ANO3: variants seen among roughly 807,000 people sequenced by gnomAD.
ANO3 encodes anoctamin-3.
Under a neutral mutation model 144.8 loss-of-function variants are expected in ANO3, and 99 were observed. The observed-to-expected ratio is 0.68, with a 90% confidence interval of 0.58 to 0.81. The LOEUF is 0.81. Ranked by LOEUF, ANO3 falls within the 30% of genes least tolerant of loss-of-function variation. The probability of loss-of-function intolerance (pLI) is 0.00; values close to 1 mark genes in which losing one functional copy is unlikely to be tolerated. For missense variants in ANO3, 905 were observed against 1,202.2 expected, an observed-to-expected ratio of 0.75 and a Z score of 3.66; for synonymous variants, 414 against 392.6, an observed-to-expected ratio of 1.05 and a Z score of -0.64.
intron 1 of ANO3, among the ~76,000 whole-genome samples, chr11:26,326,691 T>C (rs898525930): frequency 6.6e-6 from 1 of 152,152 alleles, no homozygotes; most frequent in African/African-American, 2.4e-5. Context: ...CTACAAAGGT[T>C]ACCTCCATTT....
At chr11:26,344,808 A>T (rs2133904502) in intron 1 of ANO3, among the ~76,000 whole-genome samples, 1 of 152,326 alleles carries the variant, frequency 6.6e-6, no homozygotes, top group East Asian at 1.9e-4. Flanking sequence ...GCTTGCAATT[A>T]GTCATAGCTC....
intron 17 of ANO3, among the ~76,000 whole-genome samples, chr11:26,602,528 A>G (rs1467402440): frequency 6.6e-6 from 1 of 151,556 alleles, no homozygotes; most frequent in African/African-American, 2.4e-5. Flanking sequence ...GCAGTTTGAG[A>G]CCAGCCCGGG....
intron 1 of ANO3, among the ~76,000 whole-genome samples, chr11:26,214,136 T>C (rs1292518014): frequency 1.3e-5 from 2 of 152,008 alleles, no homozygotes; most frequent in Non-Finnish European, 2.9e-5. Context: ...AAGTGTAATT[T>C]GAATAAAATA....
rs1417920856 is a variant in ANO3 at position 26,231,681 on chromosome 11, C to A, written c.154+42351C>A. ...TTTCTTTTGGAAAGCTACTTAAGTT[C>A]TCTATGCCTCAATTTCAAACTGAAT... is the stretch of plus-strand genomic sequence containing the variant. On this transcript the variant is annotated intron_variant, in intron 1 of 27. Transcript: ENST00000672621. Among the ~76,000 whole-genome samples, 3 of 152,158 alleles carry A rather than the reference C, an allele frequency of 2.0e-5. No individual in the cohort carries two copies. In the East Asian group the frequency reaches 5.8e-4, roughly 29 times the overall value.
rs1390174025 is a variant in ANO3 at position 26,465,150 on chromosome 11, GTGTGTGTGTGTC to G, written c.432+2011_432+2022del. Among the ~76,000 whole-genome samples the G allele has an allele frequency of 2.2e-3, 324 of 149,430 alleles. 1 individual carries two copies. The highest frequency in any genetic ancestry group is 7.6e-3 in the African/African-American group (305 of 39,932). ...TGTGTGTGTGTGTGTGTGTGTGTGT[GTGTGTGTGTGTC>G]TGTGTGTGAATTAAAGCATATATAT... is the stretch of plus-strand genomic sequence containing the variant. On this transcript the variant is annotated intron_variant, in intron 4 of 26. Transcript: ENST00000256737.
At chr11:26,401,173 C>T (rs12574771) in intron 1 of ANO3, among the ~76,000 whole-genome samples, 4,087 of 152,122 alleles carry the variant, frequency 0.027, 60 homozygotes, top group East Asian at 0.11. Context: ...AGCATACCCC[C>T]ATGGACAGGA....
intron 14 of ANO3, among the ~76,000 whole-genome samples, chr11:26,583,179 G>C: frequency 6.6e-6 from 1 of 152,186 alleles, no homozygotes; most frequent in East Asian, 1.9e-4. Context: ...AAGATTGAGT[G>C]AGAGTTCTCA....
chr11:26,651,059 T>A (rs1012533315), intron 24 of ANO3, among the ~76,000 whole-genome samples: 2 of 151,888 alleles, frequency 1.3e-5, no homozygotes, highest in African/African-American at 4.8e-5. Context: ...GCTTCCCAAT[T>A]TTTTTTCTGA....
chr11:26,216,386 A>C (rs1448371581), intron 1 of ANO3, among the ~76,000 whole-genome samples: 1 of 152,008 alleles, frequency 6.6e-6, no homozygotes, highest in Non-Finnish European at 1.5e-5. Flanking sequence ...CATTTAGAGA[A>C]TCTCATATAA....
chr11:26,365,396 G>T (rs1033136535), intron 1 of ANO3, among the ~76,000 whole-genome samples: 8 of 150,456 alleles, frequency 5.3e-5, no homozygotes, highest in African/African-American at 1.9e-4. Flanking sequence ...TCTTCACTAG[G>T]CAGTGCCCTA....
chr11:26,369,984 T>G (rs2133936799), intron 1 of ANO3, among the ~76,000 whole-genome samples: 1 of 152,344 alleles, frequency 6.6e-6, no homozygotes, highest in Admixed American at 6.5e-5. Flanking sequence ...ACTCTTGATG[T>G]GAGGATTAAA....
At chr11:26,634,087 A>AG in intron 18 of ANO3, 117 bp from the exon 19 acceptor site, 2 of 518,530 alleles carry the variant, frequency 3.9e-6, no homozygotes, top group East Asian at 6.3e-5. Context: ...TTCCAAAAAA[A>AG]AAAAAAAAAA....
chr11:26,222,611 A>G (rs1852169965), intron 1 of ANO3, among the ~76,000 whole-genome samples: 1 of 152,186 alleles, frequency 6.6e-6, no homozygotes, highest in Non-Finnish European at 1.5e-5. Context: ...CTGCCGGAGA[A>G]TCCAGGCTTT....
At chr11:26,261,057 T>C (rs1853176548) in intron 1 of ANO3, among the ~76,000 whole-genome samples, 2 of 152,218 alleles carry the variant, frequency 1.3e-5, no homozygotes, top group Non-Finnish European at 2.9e-5. Context: ...AGCTTCTCTG[T>C]ATCAGAAGAT....
At chr11:26,517,494 G>C (rs903230179) in intron 6 of ANO3, among the ~76,000 whole-genome samples, 6 of 151,978 alleles carry the variant, frequency 3.9e-5, no homozygotes, top group African/African-American at 1.4e-4. Flanking sequence ...AGTATCTTGT[G>C]TTTTATGCAG....
chr11:26,526,287 C>T (rs1017252553), intron 7 of ANO3, among the ~76,000 whole-genome samples: 3 of 152,142 alleles, frequency 2.0e-5, no homozygotes, highest in Non-Finnish European at 4.4e-5. Context: ...CAAACCACTA[C>T]CCTGAGACAG....
chr11:26,634,771 T>C (rs898319761), intron 19 of ANO3, among the ~76,000 whole-genome samples: 1 of 152,224 alleles, frequency 6.6e-6, no homozygotes, highest in Non-Finnish European at 1.5e-5. Context: ...AGACTCTCTA[T>C]GTGAGGGTCG....
At chr11:26,308,389 C>A (rs1171820187), upstream of ANO3, among the ~76,000 whole-genome samples, 4 of 152,140 alleles carry the variant, frequency 2.6e-5, no homozygotes, top group Admixed American at 2.0e-4. Flanking sequence ...CAATTTAGTA[C>A]AGAATTCACT....
chr11:26,553,852 A>T (rs1225357768), intron 13 of ANO3, among the ~76,000 whole-genome samples: 2 of 152,160 alleles, frequency 1.3e-5, no homozygotes, highest in African/African-American at 4.8e-5. Context: ...GGTGTATTTC[A>T]AATTTTCCTG....
Sources: allele counts gnomAD v4.1 joint callset (sites outside exome capture counted in the v4.1 genomes callset), GRCh38; gene constraint gnomAD v4.1.1; transcripts MANE v1.5; gene names NCBI Gene and HGNC (gene_info 2026-07-23, HGNC 2026-07-21).